MANBA: variants seen among roughly 807,000 people sequenced by gnomAD.
MANBA encodes the protein beta-mannosidase.
A neutral mutation model predicts 111.1 loss-of-function variants in MANBA; 83 were observed. That is an observed-to-expected ratio of 0.75 (90% CI 0.63 to 0.90). The LOEUF (loss-of-function observed/expected upper bound fraction) is 0.90. Among genes scored for constraint, MANBA ranks in the 40% least tolerant of loss-of-function variants. The pLI, the probability that MANBA is intolerant of heterozygous loss-of-function variation, is 0.00. For synonymous variants in MANBA, 370 were observed against 378.7 expected, an observed-to-expected ratio of 0.98 and a Z score of 0.27; for missense variants, 1,036 against 1,069.0, an observed-to-expected ratio of 0.97 and a Z score of 0.43.
At chr4:102,670,460 T>C (rs1731445941) in intron 9 of MANBA, among the ~76,000 whole-genome samples, 1 of 152,224 alleles carries the variant, frequency 6.6e-6, no homozygotes, top group African/African-American at 2.4e-5. Flanking sequence ...GGTGGCACTC[T>C]TTATATTTTA....
intron 11 of MANBA, among the ~76,000 whole-genome samples, chr4:102,662,262 C>A (rs116160049): frequency 0.011 from 1,712 of 152,136 alleles, 25 homozygotes; most frequent in African/African-American, 0.039. Flanking sequence ...TTACTGTGGG[C>A]CAGGCGTGGT....
intron 4 of MANBA, among the ~76,000 whole-genome samples, chr4:102,716,780 A>T (rs1253194571): frequency 6.6e-6 from 1 of 152,230 alleles, no homozygotes; most frequent in Non-Finnish European, 1.5e-5. Context: ...ACCAGAGGAA[A>T]TACTAAAATC....
chr4:102,755,077 ATCAAGCTACCAATGACTT>A (rs1159282795), intron 1 of MANBA, among the ~76,000 whole-genome samples: 1 of 152,172 alleles, frequency 6.6e-6, no homozygotes, highest in East Asian at 1.9e-4. Flanking sequence ...CGCCATCCCC[ATCAAGCTACCAATGACTT>A]TCTTCACAGA....
chr4:102,688,709 G>C (rs978789071), intron 7 of MANBA, among the ~76,000 whole-genome samples: 14 of 152,294 alleles, frequency 9.2e-5, no homozygotes, highest in African/African-American at 3.4e-4. Flanking sequence ...TTGAGATTAA[G>C]TAAGTAGCCT....
chr4:102,661,966 G>T (rs1730976508), intron 11 of MANBA, among the ~76,000 whole-genome samples: 1 of 152,160 alleles, frequency 6.6e-6, no homozygotes, highest in Non-Finnish European at 1.5e-5. Flanking sequence ...ACTAAAAGCA[G>T]TAGTGGTTAT....
chr4:102,673,195 CA>C lies in MANBA; in HGVS notation c.1112+723del, dbSNP rs542466840. Among the ~76,000 whole-genome samples, 403 of 152,236 alleles carry C rather than the reference CA, an allele frequency of 2.6e-3. 1 individual carries two copies. The highest frequency in any genetic ancestry group is 9.3e-3 in the African/African-American group (388 of 41,538). On this transcript the variant is annotated intron_variant, in intron 8 of 16. Transcript: ENST00000647097. ...GTTGAGATAAAAGTAAAAGAATATG[CA>C]AATACCTTAGCATAGAAAGGTAAAT...
intron 1 of MANBA, among the ~76,000 whole-genome samples, chr4:102,746,003 T>C (rs1560811791): frequency 6.6e-6 from 1 of 152,204 alleles, no homozygotes; most frequent in Non-Finnish European, 1.5e-5. Context: ...TTATTTTGCC[T>C]GGCAACTGCC....
At chr4:102,712,595 C>G (rs769896241) in intron 5 of MANBA, among the ~76,000 whole-genome samples, 1 of 151,812 alleles carries the variant, frequency 6.6e-6, no homozygotes, top group Non-Finnish European at 1.5e-5. Context: ...TCACAACTCA[C>G]AGCAGCTCTA....
rs968993729 is a variant in MANBA, at chr4:102,631,234, C to T, written c.*823G>A. The T allele has an allele frequency of 6.6e-6, 1 of 150,770 alleles. No homozygotes were observed. The highest frequency in any genetic ancestry group is 2.0e-4 in the East Asian group (1 of 5,070). 9.3% of individuals were successfully genotyped at this position (150,770 alleles called of 1,614,324 possible). A position where few individuals can be genotyped will look rare whatever the true frequency, so the allele number is the denominator to read the frequency against. On this transcript the variant is annotated 3_prime_UTR_variant, in exon 17 of 17. Coordinates refer to ENST00000647097, the MANE Select transcript of MANBA (RefSeq NM_005908.4). ...ACTTTTAGAGTCACTGAACATAATG[C>T]TTCTCATTTTTAAAACCAAAACCAC... is the stretch of plus-strand genomic sequence containing the variant.
intron 5 of MANBA, among the ~76,000 whole-genome samples, chr4:102,698,735 T>C (rs987855581): frequency 6.6e-6 from 1 of 151,902 alleles, no homozygotes; most frequent in Non-Finnish European, 1.5e-5. Context: ...TTGGTACCAG[T>C]ACCATGCTGT....
At chr4:102,637,942 A>G (rs1254726641) in intron 14 of MANBA, among the ~76,000 whole-genome samples, 2 of 152,186 alleles carry the variant, frequency 1.3e-5, no homozygotes, top group East Asian at 1.9e-4. Context: ...AGCTTTGTGG[A>G]ACTGAGTTCT....
chr4:102,668,384 T>C (rs1731319628), intron 10 of MANBA: 1 of 154,114 alleles, frequency 6.5e-6, no homozygotes, highest in Admixed American at 6.4e-5. Context: ...ACAGGAAAGA[T>C]TACTTCAATA....
At chr4:102,744,221 C>T (rs983019616) in intron 1 of MANBA, among the ~76,000 whole-genome samples, 6 of 152,184 alleles carry the variant, frequency 3.9e-5, no homozygotes, top group African/African-American at 7.2e-5. Context: ...TTATCCTTCA[C>T]CTTAGAAGGA....
chr4:102,650,230 C>T (rs1730268872), intron 13 of MANBA, among the ~76,000 whole-genome samples: 1 of 152,158 alleles, frequency 6.6e-6, no homozygotes, highest in Admixed American at 6.6e-5. Context: ...TTCCATTGTT[C>T]TATTTTATCC....
intron 11 of MANBA, among the ~76,000 whole-genome samples, chr4:102,661,204 C>T (rs1043290652): frequency 6.6e-6 from 1 of 152,224 alleles, no homozygotes; most frequent in African/African-American, 2.4e-5. Flanking sequence ...AATTCTCCAC[C>T]TGTAAGGTTT....
intron 7 of MANBA, among the ~76,000 whole-genome samples, chr4:102,688,006 G>A (rs1001832681): frequency 2.6e-5 from 4 of 152,236 alleles, no homozygotes; most frequent in African/African-American, 9.6e-5. Context: ...TCGATTCAAA[G>A]GCTGGCATCT....
At chr4:102,730,799 C>T (rs1197882382) in intron 1 of MANBA, 5 of 431,924 alleles carry the variant, frequency 1.2e-5, no homozygotes, top group South Asian at 7.2e-5. Flanking sequence ...TTGTTAATTT[C>T]CTTATACTTT....
chr4:102,708,967 G>A (rs1048663566), intron 5 of MANBA, among the ~76,000 whole-genome samples: 8 of 151,922 alleles, frequency 5.3e-5, no homozygotes, highest in Non-Finnish European at 1.2e-4. Context: ...CTAACAAACT[G>A]AAAAACATAG....
At chr4:102,758,525 TTGA>T (rs1339232121) in intron 1 of MANBA, among the ~76,000 whole-genome samples, 1 of 151,958 alleles carries the variant, frequency 6.6e-6, no homozygotes, top group Non-Finnish European at 1.5e-5. Flanking sequence ...TGATCTGATG[TTGA>T]TGATTGCTTC....
Sources: allele counts gnomAD v4.1 joint callset (sites outside exome capture counted in the v4.1 genomes callset), GRCh38; gene constraint gnomAD v4.1.1; transcripts MANE v1.5; gene names NCBI Gene and HGNC (gene_info 2026-07-23, HGNC 2026-07-21).